CNBD1: variants seen among roughly 807,000 people sequenced by gnomAD.
CNBD1 encodes the protein cyclic nucleotide binding domain containing 1.
In CNBD1, 71 loss-of-function variants were observed where a neutral mutation model predicts 54.4. The observed-to-expected ratio is 1.30, with a 90% CI of 1.08 to 1.59. The LOEUF is 1.59. Ranked by LOEUF, CNBD1 falls within the 40% of genes most tolerant of loss-of-function variation. The probability of loss-of-function intolerance (pLI) is 0.00; values close to 1 mark genes in which losing one functional copy is unlikely to be tolerated. For synonymous variants in CNBD1, 182 were observed against 170.7 expected (o/e 1.07, Z -0.51); for missense variants, 659 against 518.0 (o/e 1.27, Z -2.64).
At chr8:86,989,459 T>A (rs192380150) in intron 4 of CNBD1, among the ~76,000 whole-genome samples, 2 of 152,308 alleles carry the variant, frequency 1.3e-5, no homozygotes, top group African/African-American at 4.8e-5. Context: ...TTTTATTTTT[T>A]AATTTTTTTC....
At chr8:87,310,718 A>C (rs1809246659) in intron 8 of CNBD1, among the ~76,000 whole-genome samples, 1 of 152,184 alleles carries the variant, frequency 6.6e-6, no homozygotes, top group African/African-American at 2.4e-5. Flanking sequence ...GCATCACATG[A>C]CCAGACTTCA....
At chr8:87,358,533 A>G (rs1810464913) in intron 10 of CNBD1, among the ~76,000 whole-genome samples, 1 of 151,914 alleles carries the variant, frequency 6.6e-6, no homozygotes, top group Non-Finnish European at 1.5e-5. Flanking sequence ...ATGTAAAACA[A>G]CATTTCACAC....
chr8:87,366,850 C>T (rs149074715), intron 10 of CNBD1, among the ~76,000 whole-genome samples: 1 of 152,028 alleles, frequency 6.6e-6, no homozygotes, highest in Non-Finnish European at 1.5e-5. Context: ...TGAAAATGTT[C>T]TTAATTGTTA....
At chr8:86,870,443 C>T (rs1329146419) in intron 1 of CNBD1, among the ~76,000 whole-genome samples, 1 of 151,770 alleles carries the variant, frequency 6.6e-6, no homozygotes, top group African/African-American at 2.4e-5. Flanking sequence ...GTGATCCACC[C>T]GCCTCGGCCT....
chr8:87,236,893 A>G (rs765227412), intron 5 of CNBD1, 26 bp from the exon 6 acceptor site: 1 of 1,507,124 alleles, frequency 6.6e-7, no homozygotes, highest in Non-Finnish European at 9.1e-7. Flanking sequence ...CACACAGTAT[A>G]TATTTTTTGG....
At chr8:86,990,242 T>A (rs758293577) in intron 4 of CNBD1, among the ~76,000 whole-genome samples, 1 of 152,166 alleles carries the variant, frequency 6.6e-6, no homozygotes, top group African/African-American at 2.4e-5. Context: ...GTTGTCTGTG[T>A]TTGTGGAATA....
At chr8:87,248,161 CTTG>C (rs1325707408) in intron 6 of CNBD1, among the ~76,000 whole-genome samples, 1 of 152,144 alleles carries the variant, frequency 6.6e-6, no homozygotes, top group African/African-American at 2.4e-5. Context: ...GAATTGTTGC[CTTG>C]TTGTCAACAT....
At chr8:86,900,546 G>C (rs1231525069) in intron 2 of CNBD1, among the ~76,000 whole-genome samples, 1 of 152,076 alleles carries the variant, frequency 6.6e-6, no homozygotes, top group South Asian at 2.1e-4. Context: ...TGTACATTCT[G>C]TACCTGGATT....
At chr8:86,911,191 C>A (rs1224300224) in intron 3 of CNBD1, among the ~76,000 whole-genome samples, 1 of 152,184 alleles carries the variant, frequency 6.6e-6, no homozygotes, top group African/African-American at 2.4e-5. Context: ...TGTTGGCATT[C>A]ACCCATGCAA....
chr8:87,317,295 T>C (rs1381322241), intron 8 of CNBD1, among the ~76,000 whole-genome samples: 1 of 151,132 alleles, frequency 6.6e-6, no homozygotes, highest in Admixed American at 6.6e-5. Context: ...ATTTGAGACT[T>C]TTTTTTTATT....
intron 4 of CNBD1, among the ~76,000 whole-genome samples, chr8:86,980,764 A>C (rs951024963): frequency 6.6e-6 from 1 of 152,222 alleles, no homozygotes; most frequent in Admixed American, 6.5e-5. Flanking sequence ...TTTAATATTC[A>C]TAATCATGTA....
chr8:87,131,649 G>C (rs1212183244), intron 4 of CNBD1, among the ~76,000 whole-genome samples: 1 of 151,768 alleles, frequency 6.6e-6, no homozygotes, highest in Non-Finnish European at 1.5e-5. Context: ...TCTCTCTTGA[G>C]AGTTTCTTTG....
At chr8:87,053,647 G>C (rs1191535670) in intron 4 of CNBD1, among the ~76,000 whole-genome samples, 1 of 152,174 alleles carries the variant, frequency 6.6e-6, no homozygotes, top group Non-Finnish European at 1.5e-5. Flanking sequence ...GAGCTAGTTA[G>C]CAGGAATAGT....
chr8:86,983,285 T>G (rs574009410), intron 4 of CNBD1, among the ~76,000 whole-genome samples: 19 of 152,340 alleles, frequency 1.2e-4, no homozygotes, highest in South Asian at 4.1e-4. Context: ...GCCTTTCACC[T>G]TCTGCCATGA....
At chr8:87,158,953 A>G (rs1812800556) in intron 4 of CNBD1, among the ~76,000 whole-genome samples, 1 of 152,174 alleles carries the variant, frequency 6.6e-6, no homozygotes. Flanking sequence ...TTATCATTTG[A>G]CAGGATCAAG....
Position 87,325,308 on chromosome 8 carries a change from G to T in CNBD1, c.1043-26377G>T, listed in dbSNP as rs1809642938. Among the ~76,000 whole-genome samples, 2 of 94,346 alleles carry T rather than the reference G, an allele frequency of 2.1e-5. 1 individual carries two copies. The highest frequency in any genetic ancestry group is 4.1e-5 in the Non-Finnish European group (2 of 48,510). 61.9% of individuals were successfully genotyped at this position (94,346 alleles called of 152,430 possible). A position where few individuals can be genotyped will look rare whatever the true frequency, so the allele number is the denominator to read the frequency against. Reference sequence around the variant, plus strand: ...ATTTGGGGTAGAGAGTTCTGTAGATGTCTATTAGGTCCGCTTGGTACAGAG... The same window carrying T: ...ATTTGGGGTAGAGAGTTCTGTAGATTTCTATTAGGTCCGCTTGGTACAGAG... On this transcript the variant is annotated intron_variant, in intron 8 of 10. Coordinates refer to ENST00000518476, the MANE Select transcript of CNBD1 (RefSeq NM_173538.3).
In CNBD1 at chr8:87,360,380, G is replaced by A. The variant is rs577721111; in HGVS notation, c.1303+6594G>A. ...GGAAATATCTTTTTTTAATCTATAT[G>A]CATCCTTCTCAGACATTGCCTTGAA... On this transcript the variant is annotated intron_variant, in intron 10 of 10. Transcript: ENST00000518476. Among the ~76,000 whole-genome samples, 11 of 151,800 alleles carry A rather than the reference G, an allele frequency of 7.2e-5. No individual in the cohort carries two copies. In the South Asian group the frequency reaches 1.0e-3, roughly 14 times the overall value.
intron 6 of CNBD1, among the ~76,000 whole-genome samples, chr8:87,249,716 A>G (rs1586363236): frequency 6.6e-6 from 1 of 152,326 alleles, no homozygotes; most frequent in Non-Finnish European, 1.5e-5. Context: ...CAAGCAAAAC[A>G]GGAGTGAAGT....
chr8:87,138,827 T>A (rs932667063), intron 4 of CNBD1, among the ~76,000 whole-genome samples: 1 of 152,206 alleles, frequency 6.6e-6, no homozygotes, highest in Non-Finnish European at 1.5e-5. Context: ...TCCTGGGCAA[T>A]AAAGGATTCA....
Sources: gnomAD v4.1 joint callset for allele counts (sites outside exome capture counted in the v4.1 genomes callset) on GRCh38, gnomAD v4.1.1 for gene constraint, MANE v1.5 for transcripts, NCBI Gene and HGNC (gene_info 2026-07-23, HGNC 2026-07-21) for gene names.